The following TSPAN5 variants were observed in gnomAD, a reference collection of about 807,000 sequenced individuals.
TSPAN5 encodes the protein tetraspanin 5, also known as tetraspanin-5.
In TSPAN5, 10 loss-of-function variants were observed where a neutral mutation model predicts 37.1. That is an observed-to-expected ratio of 0.27 (90% CI 0.17 to 0.46). The LOEUF is 0.46. Among genes scored for constraint, TSPAN5 ranks in the 20% least tolerant of loss-of-function variants. The probability of loss-of-function intolerance (pLI) is 1.00; values close to 1 mark genes in which losing one functional copy is unlikely to be tolerated. For missense variants in TSPAN5, 195 were observed against 326.6 expected, an observed-to-expected ratio of 0.60 and a Z score of 3.11; for synonymous variants, 110 against 118.9, an observed-to-expected ratio of 0.93 and a Z score of 0.48.
chr4:98,567,016 C>T (rs1017862435), intron 1 of TSPAN5, among the ~76,000 whole-genome samples: 1 of 152,346 alleles, frequency 6.6e-6, no homozygotes, highest in South Asian at 2.1e-4. Flanking sequence ...TGCAGGCTCC[C>T]GAGTAGTGCA....
chr4:98,592,607 C>T (rs1047535121), intron 1 of TSPAN5, among the ~76,000 whole-genome samples: 2 of 118,206 alleles, frequency 1.7e-5, no homozygotes, highest in African/African-American at 6.7e-5. Context: ...CCACCACAGT[C>T]CCCAGAGTGT....
intron 1 of TSPAN5, among the ~76,000 whole-genome samples, chr4:98,646,704 CCTTTT>C (rs1757076478): frequency 6.6e-6 from 1 of 151,798 alleles, no homozygotes; most frequent in African/African-American, 2.4e-5. Flanking sequence ...ATCTTTTTTT[CCTTTT>C]AAGTTATTTT....
At chr4:98,530,149 G>C (rs1182658002) in intron 1 of TSPAN5, among the ~76,000 whole-genome samples, 1 of 152,162 alleles carries the variant, frequency 6.6e-6, no homozygotes, top group East Asian at 1.9e-4. Flanking sequence ...CACCTGACTG[G>C]GTAGGCAGAA....
intron 1 of TSPAN5, among the ~76,000 whole-genome samples, chr4:98,515,531 C>G (rs1379008242): frequency 6.6e-6 from 1 of 152,238 alleles, no homozygotes; most frequent in African/African-American, 2.4e-5. Context: ...CTCTCTCTCT[C>G]TCTCCCTCTC....
At chr4:98,526,346 T>A (rs999981851) in intron 1 of TSPAN5, among the ~76,000 whole-genome samples, 5 of 152,174 alleles carry the variant, frequency 3.3e-5, no homozygotes. Flanking sequence ...TAGATAGTAG[T>A]CATGGCGAGA....
At position 98,472,243 on chromosome 4, in the gene TSPAN5, T is replaced by C. The variant is rs1752601654; in HGVS notation, c.*279A>G. The C allele has an allele frequency of 6.0e-6, 2 of 332,954 alleles. No homozygotes were observed. The highest frequency in any genetic ancestry group is 1.1e-5 in the Non-Finnish European group (2 of 184,230). The allele number at this position is 332,954 out of a possible 1,614,324, so 20.6% of individuals were successfully genotyped here. ...TCAAGTACATCTGGGTCCCCTACCCTCCCTTTTTTTCTTTTTTGGTAAGCA... is the reference window on the plus strand; with the variant it reads ...TCAAGTACATCTGGGTCCCCTACCCCCCCTTTTTTTCTTTTTTGGTAAGCA... On this transcript the variant is annotated 3_prime_UTR_variant, in exon 8 of 8. Transcript: ENST00000305798.
intron 1 of TSPAN5, among the ~76,000 whole-genome samples, chr4:98,627,785 C>CA (rs925613363): frequency 1.4e-4 from 22 of 151,858 alleles, no homozygotes; most frequent in Non-Finnish European, 8.8e-5. Context: ...ACTTTTTACA[C>CA]AAAAATAATG....
intron 1 of TSPAN5, among the ~76,000 whole-genome samples, chr4:98,650,835 C>G (rs1208102944): frequency 2.0e-5 from 3 of 152,040 alleles, no homozygotes; most frequent in Admixed American, 2.0e-4. Context: ...AGATGGTGCT[C>G]AAAGACTGAT....
At chr4:98,539,476 C>T (rs1754312976) in intron 1 of TSPAN5, among the ~76,000 whole-genome samples, 1 of 152,142 alleles carries the variant, frequency 6.6e-6, no homozygotes, top group African/African-American at 2.4e-5. Context: ...TTTGACATGG[C>T]AGACTTGGAA....
At chr4:98,597,360 A>C (rs1755767149) in intron 1 of TSPAN5, among the ~76,000 whole-genome samples, 1 of 35,566 alleles carries the variant, frequency 2.8e-5, no homozygotes, top group Non-Finnish European at 4.5e-5. Flanking sequence ...CAAAGTTTTC[A>C]ACTTCTTTGC....
At chr4:98,488,695 C>G (rs776030397) in intron 2 of TSPAN5, among the ~76,000 whole-genome samples, 28 of 152,116 alleles carry the variant, frequency 1.8e-4, no homozygotes, top group Non-Finnish European at 3.2e-4. Flanking sequence ...CAGAAATACT[C>G]AAACCAAATT....
intron 1 of TSPAN5, among the ~76,000 whole-genome samples, chr4:98,634,075 G>C (rs576828366): frequency 2.0e-5 from 3 of 149,526 alleles, no homozygotes; most frequent in African/African-American, 7.4e-5. Context: ...GCGAAACTCT[G>C]TCTCAAAAAA....
intron 2 of TSPAN5, among the ~76,000 whole-genome samples, chr4:98,498,142 T>G (rs938435552): frequency 1.3e-5 from 2 of 152,132 alleles, no homozygotes; most frequent in African/African-American, 4.8e-5. Flanking sequence ...AGCCAGGCAC[T>G]GGGCTACCTG....
intron 4 of TSPAN5, among the ~76,000 whole-genome samples, chr4:98,480,414 T>C (rs981915711): frequency 2.6e-5 from 4 of 152,226 alleles, no homozygotes; most frequent in Non-Finnish European, 5.9e-5. Context: ...AATTAAAATA[T>C]ATTAAAACAA....
intron 1 of TSPAN5, among the ~76,000 whole-genome samples, chr4:98,571,894 T>C (rs1755130371): frequency 2.0e-5 from 3 of 152,192 alleles, no homozygotes; most frequent in Admixed American, 2.0e-4. Flanking sequence ...ATTTCTGCTG[T>C]CAATGATATT....
At chr4:98,504,980 T>C (rs1487230015) in intron 2 of TSPAN5, among the ~76,000 whole-genome samples, 1 of 152,138 alleles carries the variant, frequency 6.6e-6, no homozygotes, top group East Asian at 1.9e-4. Context: ...GGCTATGTCC[T>C]TACCTGGCAG....
In TSPAN5 at chr4:98,544,397, C is replaced by CTGTGTGTGTGTGTGTGTGTG. The variant is rs1363666850; in HGVS notation, c.82-36670_82-36669insCACACACACACACACACACA. ...AACTGTCCACTGTCAACCATTTCAT[C>CTGTGTGTGTGTGTGTGTGTG]TGTGTGTCTGTGTGTGTGTGTGTAT... On this transcript the variant is annotated intron_variant, in intron 1 of 7. Coordinates refer to ENST00000305798, the MANE Select transcript of TSPAN5 (RefSeq NM_005723.4). Among the ~76,000 whole-genome samples the CTGTGTGTGTGTGTGTGTGTG allele has an allele frequency of 6.4e-4, 98 of 152,254 alleles. 1 individual carries two copies. The highest frequency in any genetic ancestry group is 2.2e-3 in the African/African-American group (92 of 41,534).
At chr4:98,591,061 T>TTTTTTTTG (rs1168915951) in intron 1 of TSPAN5, among the ~76,000 whole-genome samples, 1 of 148,596 alleles carries the variant, frequency 6.7e-6, no homozygotes, top group African/African-American at 2.6e-5. Flanking sequence ...ATGCTTTTCC[T>TTTTTTTTG]TTTTTTTGTT....
intron 5 of TSPAN5, among the ~76,000 whole-genome samples, 169 bp from the exon 6 acceptor site, chr4:98,476,629 C>A (rs545529041): frequency 6.6e-6 from 1 of 152,118 alleles, no homozygotes; most frequent in South Asian, 2.1e-4. Context: ...GTCATTATTG[C>A]GACAATCTTC....
Sources: allele counts gnomAD v4.1 joint callset (sites outside exome capture counted in the v4.1 genomes callset), GRCh38; gene constraint gnomAD v4.1.1; transcripts MANE v1.5; gene names NCBI Gene and HGNC (gene_info 2026-07-23, HGNC 2026-07-21).